Variants in ZNF385D observed in about 807,000 individuals in gnomAD.
ZNF385D encodes zinc finger protein 659.
In ZNF385D, 15 loss-of-function variants were observed where a neutral mutation model predicts 35.8. The ratio of observed to expected loss-of-function variants is 0.42; its 90% confidence interval spans 0.28 to 0.64. The LOEUF is 0.64. Among genes scored for constraint, ZNF385D ranks in the 30% least tolerant of loss-of-function variants. The pLI, the probability that ZNF385D is intolerant of heterozygous loss-of-function variation, is 0.23. For missense variants in ZNF385D, 474 were observed against 494.6 expected, an observed-to-expected ratio of 0.96 and a Z score of 0.39; for synonymous variants, 212 against 186.8, an observed-to-expected ratio of 1.13 and a Z score of -1.10.
At chr3:22,072,744 AAAG>A (rs1700287700) in intron 3 of ZNF385D, among the ~76,000 whole-genome samples, 1 of 151,960 alleles carries the variant, frequency 6.6e-6, no homozygotes, top group Admixed American at 6.6e-5. Context: ...AAGGAAGAAA[AAAG>A]AAGAAATATT....
chr3:21,917,547 G>A (rs1201070453), intron 3 of ZNF385D, among the ~76,000 whole-genome samples: 1 of 152,180 alleles, frequency 6.6e-6, no homozygotes, highest in Non-Finnish European at 1.5e-5. Context: ...GGTCTCATAT[G>A]CTATGACATG....
intron 3 of ZNF385D, among the ~76,000 whole-genome samples, chr3:21,860,201 C>T (rs1471663689): frequency 6.6e-6 from 1 of 152,060 alleles, no homozygotes. Flanking sequence ...AGCACGTTTG[C>T]TGTAAAGAGA....
intron 3 of ZNF385D, among the ~76,000 whole-genome samples, chr3:22,061,516 T>A (rs1699685562): frequency 6.7e-6 from 1 of 149,716 alleles, no homozygotes; most frequent in African/African-American, 2.6e-5. Flanking sequence ...ATTATGTCAC[T>A]CTTTTCTTCT....
In ZNF385D at chr3:21,849,809, G is replaced by A. The variant is rs1173516591; in HGVS notation, c.326-184781C>T. ...TTTTTTTGTTTTTTGCGGGGGACAA[G>A]ATCATAACTCACTGTAACATCAAAC... On this transcript the variant is annotated intron_variant, in intron 3 of 5. Transcript: ENST00000494108. The A allele has an allele frequency of 3.3e-5, 5 of 151,694 alleles. No homozygotes were observed. In the South Asian group the frequency reaches 8.3e-4, roughly 25 times the overall value. The allele number at this position is 151,694 out of a possible 1,614,324, so 9.4% of individuals were successfully genotyped here. A position where few individuals can be genotyped will look rare whatever the true frequency, so the allele number is the denominator to read the frequency against.
intron 2 of ZNF385D, among the ~76,000 whole-genome samples, chr3:21,614,156 G>A (rs1244877665): frequency 1.3e-5 from 2 of 152,164 alleles, no homozygotes; most frequent in African/African-American, 2.4e-5. Context: ...ATTTCTCACA[G>A]TTCTGGAGGC....
In ZNF385D at chr3:21,511,031, G is replaced by A; in HGVS notation, c.277-8C>T. ...GTGGGCCGCAGCCTGGCTCTACAAA[G>A]GAGAACAAAATGAACCATGCAATCA... On this transcript the variant is annotated splice_region_variant and splice_polypyrimidine_tract_variant and intron_variant, in intron 3 of 7. Transcript: ENST00000281523. 1 of 1,613,838 alleles carries A rather than the reference G, an allele frequency of 6.2e-7. No individual in the cohort carries two copies. Among genetic ancestry groups the A allele is most frequent in the Non-Finnish European group, 8.5e-7 (1 of 1,179,916 alleles).
chr3:21,500,488 G>A (rs554981989), intron 4 of ZNF385D, among the ~76,000 whole-genome samples: 11 of 152,284 alleles, frequency 7.2e-5, no homozygotes, highest in African/African-American at 2.6e-4. Flanking sequence ...CTAGAAGTAG[G>A]AATGAGCCAA....
intron 3 of ZNF385D, among the ~76,000 whole-genome samples, chr3:21,889,174 T>A (rs1354248710): frequency 6.6e-6 from 1 of 152,186 alleles, no homozygotes; most frequent in African/African-American, 2.4e-5. Context: ...CTTGTAGTAC[T>A]AGAGAATACC....
At chr3:22,123,687 C>T (rs2125670613) in intron 3 of ZNF385D, among the ~76,000 whole-genome samples, 1 of 152,218 alleles carries the variant, frequency 6.6e-6, no homozygotes, top group African/African-American at 2.4e-5. Context: ...TAGTGAAACC[C>T]CATCTCTACT....
intron 5 of ZNF385D, among the ~76,000 whole-genome samples, chr3:21,430,629 T>TA (rs754284317): frequency 2.0e-5 from 3 of 152,150 alleles, no homozygotes; most frequent in Non-Finnish European, 2.9e-5. Flanking sequence ...AAGCTTTTTT[T>TA]ATCCATAATG....
At chr3:21,822,909 G>C (rs1694363310) in intron 3 of ZNF385D, among the ~76,000 whole-genome samples, 1 of 151,624 alleles carries the variant, frequency 6.6e-6, no homozygotes, top group Non-Finnish European at 1.5e-5. Context: ...CAGAGATATG[G>C]GCATATAGTA....
intron 3 of ZNF385D, among the ~76,000 whole-genome samples, chr3:21,527,989 T>G (rs567466699): frequency 6.6e-6 from 1 of 152,314 alleles, no homozygotes; most frequent in Non-Finnish European, 1.5e-5. Context: ...GATTTTATTT[T>G]GCCCATTTCA....
intron 4 of ZNF385D, among the ~76,000 whole-genome samples, chr3:21,471,335 A>ACACACC (rs1559323844): frequency 2.5e-5 from 3 of 118,996 alleles, no homozygotes; most frequent in African/African-American, 9.8e-5. Flanking sequence ...ACACACACAC[A>ACACACC]CCTTGGTGAT....
rs188134875 is a variant in ZNF385D at position 21,743,353 on chromosome 3, A to G, written c.22+7542T>C. Among the ~76,000 whole-genome samples the G allele has an allele frequency of 8.7e-4, 133 of 152,364 alleles. No homozygotes were observed. In the Middle Eastern group the frequency reaches 0.01, roughly 12 times the overall value. On this transcript the variant is annotated intron_variant, in intron 1 of 7. Coordinates refer to ENST00000281523, the MANE Select transcript of ZNF385D (RefSeq NM_024697.3). Reference sequence around the variant, plus strand: ...ATATAAGCTTTACTATCTACACTAAATATAGACACTAGAGGAACTGAGGCA... The same window carrying G: ...ATATAAGCTTTACTATCTACACTAAGTATAGACACTAGAGGAACTGAGGCA...
rs199728590 is a variant in ZNF385D at position 21,960,223 on chromosome 3, A to T, written c.325+208594T>A. 2.0e-4 allele frequency among the ~76,000 whole-genome samples: 11 copies of T among 56,388 alleles called. 1 individual carries two copies. In the South Asian group the frequency reaches 8.4e-3, roughly 43 times the overall value. 37.0% of individuals were successfully genotyped at this position (56,388 alleles called of 152,430 possible). ...AGCAATACACACACACACCCTCCCC[A>T]ACACAGACACTCACAGAACAAATAA... On this transcript the variant is annotated intron_variant, in intron 3 of 5. Coordinates refer to the ZNF385D transcript ENST00000494108.
rs1367883430 is a variant in ZNF385D, at chr3:21,567,156, A to ATTCT, written c.166-2476_166-2473dup. The stretch of plus-strand genomic sequence containing the variant: ...ATGAACATTTCATTATTTTCAGTAC[A>ATTCT]TTCTTTGATCTTTTCAAGTCTGAAT... On this transcript the variant is annotated intron_variant, in intron 2 of 7. Coordinates refer to ENST00000281523, the MANE Select transcript of ZNF385D (RefSeq NM_024697.3). Among the ~76,000 whole-genome samples, 16 of 152,296 alleles carry ATTCT rather than the reference A, an allele frequency of 1.1e-4. No homozygotes were observed. The East Asian group carries it at 2.1e-3, about 20-fold the overall frequency.
chr3:21,775,473 G>A (rs751391529), intron 3 of ZNF385D, among the ~76,000 whole-genome samples: 26 of 151,828 alleles, frequency 1.7e-4, no homozygotes, highest in Non-Finnish European at 3.2e-4. Context: ...TGCTTTTATT[G>A]CTCTATTACT....
intron 3 of ZNF385D, among the ~76,000 whole-genome samples, chr3:21,775,977 A>G (rs189109833): frequency 5.3e-5 from 8 of 151,862 alleles, no homozygotes; most frequent in Middle Eastern, 3.4e-3. Flanking sequence ...TCAGATACTC[A>G]ATTATATAGT....
In ZNF385D at chr3:21,988,494, C is replaced by G. The variant is rs1340386734; in HGVS notation, c.325+180323G>C. Among the ~76,000 whole-genome samples the G allele has an allele frequency of 3.3e-3, 476 of 142,508 alleles. 6 individuals carry two copies. The highest frequency in any genetic ancestry group is 0.014 in the Middle Eastern group (4 of 280). The allele number at this position is 142,508 out of a possible 152,430, so 93.5% of individuals were successfully genotyped here. A position where few individuals can be genotyped will look rare whatever the true frequency, so the allele number is the denominator to read the frequency against. Reference sequence around the variant, plus strand: ...GTTAGGCTGCTCGGGGGTCAGGGGTCAGGGACCCACTTGAGGAGGCAGTCT... The same window carrying G: ...GTTAGGCTGCTCGGGGGTCAGGGGTGAGGGACCCACTTGAGGAGGCAGTCT... On this transcript the variant is annotated intron_variant, in intron 3 of 5. Coordinates refer to the ZNF385D transcript ENST00000494108.
Sources: gnomAD v4.1 joint callset for allele counts (sites outside exome capture counted in the v4.1 genomes callset) on GRCh38, gnomAD v4.1.1 for gene constraint, MANE v1.5 for transcripts, NCBI Gene and HGNC (gene_info 2026-07-23, HGNC 2026-07-21) for gene names.